The following PI4KA variants were observed in gnomAD, a reference collection of about 807,000 sequenced individuals.
PI4KA encodes PI4-kinase alpha.
In PI4KA, 122 loss-of-function variants were observed where a neutral mutation model predicts 271.4. The observed-to-expected ratio is 0.45, with a 90% CI of 0.39 to 0.52. The LOEUF (loss-of-function observed/expected upper bound fraction) is 0.52. Among genes scored for constraint, PI4KA ranks in the 20% least tolerant of loss-of-function variants. PI4KA has a pLI of 0.00. For missense variants in PI4KA, 1,969 were observed against 2,769.1 expected (o/e 0.71, Z 6.48); for synonymous variants, 1,041 against 1,078.8 (o/e 0.96, Z 0.69).
At chr22:20,818,915 C>G (rs1922204897) in intron 6 of PI4KA, among the ~76,000 whole-genome samples, 1 of 152,186 alleles carries the variant, frequency 6.6e-6, no homozygotes. Context: ...TATGAAATCA[C>G]TTATAAATCT....
chr22:20,804,079 C>A (rs1035612981), intron 12 of PI4KA, among the ~76,000 whole-genome samples: 2 of 152,254 alleles, frequency 1.3e-5, no homozygotes, highest in African/African-American at 4.8e-5. Flanking sequence ...CTGAAGCCAG[C>A]TGCACCCATA....
chr22:20,722,650 T>A (rs1194903108), intron 42 of PI4KA, among the ~76,000 whole-genome samples: 2 of 152,312 alleles, frequency 1.3e-5, no homozygotes, highest in East Asian at 3.9e-4. Context: ...CCTAGAGCCA[T>A]AAGTTTTGAA....
Position 20,742,662 on chromosome 22 carries a change from G to C in PI4KA, c.3559C>G (p.Gln1187Glu). ...LHSALDRSHP[Q>E]HYTQAMFKLT... is the part of the protein sequence containing the mutation. ...TTGAACATGGCCTGCGTGTAGTGCTGAGGATGACTGCGGTCTAAAGCTGAA... is the reference window on the plus strand; with the variant it reads ...TTGAACATGGCCTGCGTGTAGTGCTCAGGATGACTGCGGTCTAAAGCTGAA... Residue 1187 changes from glutamine to glutamate, a missense_variant, in exon 31 of 55, where the codon CAG becomes GAG. Around this residue, in one of 13 missense-constraint regions of PI4KA, gnomAD observed 203 missense variants for 256.8 expected, o/e 0.79. Coordinates refer to ENST00000255882, the MANE Select transcript of PI4KA (RefSeq NM_058004.4). The C allele has an allele frequency of 6.2e-7, 1 of 1,614,116 alleles. No homozygotes were observed. The highest frequency in any genetic ancestry group is 8.5e-7 in the Non-Finnish European group (1 of 1,179,974).
chr22:20,747,363 T>G, intron 29 of PI4KA: 1 of 372,436 alleles, frequency 2.7e-6, no homozygotes, highest in East Asian at 4.3e-5. Flanking sequence ...TCCATAAATT[T>G]AAAAAAAAAA....
chr22:20,842,251 T>A (rs1925651041), intron 1 of PI4KA, among the ~76,000 whole-genome samples: 2 of 151,498 alleles, frequency 1.3e-5, no homozygotes, highest in Middle Eastern at 3.4e-3. Flanking sequence ...TAAAAAAAAA[T>A]GAAAAAGGCT....
intron 7 of PI4KA, 141 bp from the exon 8 acceptor site, chr22:20,813,647 C>T: frequency 1.4e-6 from 1 of 692,816 alleles, no homozygotes; most frequent in East Asian, 2.7e-5. Flanking sequence ...TTTAAATTAA[C>T]AACTACAGGG....
intron 48 of PI4KA, 25 bp from the exon 49 acceptor site, chr22:20,712,822 G>A: frequency 6.4e-7 from 1 of 1,550,612 alleles, no homozygotes; most frequent in Non-Finnish European, 8.7e-7. Context: ...GGCGCAGGAT[G>A]CGGTCAGTTG....
At chr22:20,826,078 C>T (rs1411523588) in intron 3 of PI4KA, among the ~76,000 whole-genome samples, 2 of 152,208 alleles carry the variant, frequency 1.3e-5, no homozygotes, top group African/African-American at 4.8e-5. Flanking sequence ...ATGGTGGCCT[C>T]ACACTTGTAA....
chr22:20,848,271 A>G (rs1366791958), intron 1 of PI4KA, among the ~76,000 whole-genome samples: 2 of 151,642 alleles, frequency 1.3e-5, no homozygotes, highest in Admixed American at 1.3e-4. Flanking sequence ...GGGACAATAT[A>G]GCAATACAGT....
intron 1 of PI4KA, among the ~76,000 whole-genome samples, chr22:20,849,474 T>C (rs1368751624): frequency 6.6e-6 from 1 of 152,208 alleles, no homozygotes; most frequent in Non-Finnish European, 1.5e-5. Flanking sequence ...GGATAAAATA[T>C]GGTATATGCA....
At chr22:20,846,050 G>A (rs1166050818) in intron 1 of PI4KA, among the ~76,000 whole-genome samples, 2 of 151,918 alleles carry the variant, frequency 1.3e-5, no homozygotes, top group Non-Finnish European at 2.9e-5. Flanking sequence ...GAGGTCAGGA[G>A]ATTGAGACAC....
intron 19 of PI4KA, among the ~76,000 whole-genome samples, chr22:20,773,523 G>T (rs1018878168): frequency 1.3e-5 from 2 of 152,230 alleles, no homozygotes; most frequent in South Asian, 4.1e-4. Flanking sequence ...CAACAGACAG[G>T]AGTGCTGGGC....
chr22:20,727,364 C>T lies in PI4KA; in HGVS notation c.4807G>A (p.Ala1603Thr). 6.2e-7 allele frequency: 1 copy of T among 1,608,216 alleles called. No individual in the cohort carries two copies. The highest frequency in any genetic ancestry group is 8.5e-7 in the Non-Finnish European group (1 of 1,177,968). Residue 1603 changes from alanine to threonine, a missense_variant, in exon 41 of 55, where the codon GCT becomes ACT. By Grantham distance (58) the Ala-to-Thr change is moderately conservative (BLOSUM62 0). This residue lies in a region of PI4KA where 388 missense variants were observed against 521.5 expected (regional missense o/e 0.74). Transcript: ENST00000255882. ...LVTWHTIDADAPELSHVLCWA... is the reference protein window; with the variant it reads ...LVTWHTIDADTPELSHVLCWA... ...CACAGCACATGGCTGAGCTCTGGAGCATCGGCGTCGATGGTGTGCCAGGTG... is the reference window on the plus strand; with the variant it reads ...CACAGCACATGGCTGAGCTCTGGAGTATCGGCGTCGATGGTGTGCCAGGTG...
At position 20,799,079 on chromosome 22, in the gene PI4KA, C is replaced by T. The variant is rs1935143358; in HGVS notation, c.2004+14G>A. On this transcript the variant is annotated intron_variant, in intron 16 of 54. Transcript: ENST00000255882. ...GCACAGGGTTAGTGGTGTTCTGGCTCTGGCCTCCCTTACATTTCCGGTGAT... is the reference window on the plus strand; with the variant it reads ...GCACAGGGTTAGTGGTGTTCTGGCTTTGGCCTCCCTTACATTTCCGGTGAT... The T allele has an allele frequency of 3.1e-6, 5 of 1,610,508 alleles. No homozygotes were observed. The highest frequency in any genetic ancestry group is 1.6e-4 in the Middle Eastern group (1 of 6,078).
At chr22:20,712,397 G>C in intron 50 of PI4KA, 89 bp downstream of exon 50, 2 of 1,567,382 alleles carry the variant, frequency 1.3e-6, no homozygotes, top group African/African-American at 1.4e-5. Flanking sequence ...TGACTGAGGA[G>C]AGCAGGGTGT....
At chr22:20,732,923 C>G in intron 36 of PI4KA, 48 bp downstream of exon 36, 1 of 1,609,458 alleles carries the variant, frequency 6.2e-7, no homozygotes. Flanking sequence ...ACGTGGCACC[C>G]CTGTCCTGCC....
At chr22:20,797,284 C>A (rs1328449232) in intron 17 of PI4KA, among the ~76,000 whole-genome samples, 1 of 152,112 alleles carries the variant, frequency 6.6e-6, no homozygotes, top group African/African-American at 2.4e-5. Context: ...CAAGCTGAGC[C>A]AGAACTGAAG....
rs1419723841 is a variant in PI4KA at position 20,813,453 on chromosome 22, T to C, written c.910A>G (p.Ile304Val). ...GGAGAGACTGAGAAGCTGGAGCTGA[T>C]GGTTGAAAAGTAGTACTCAGGCTCT... ...ALEPEYYFSTISSSFSVSPLF... is the reference protein window; with the variant it reads ...ALEPEYYFSTVSSSFSVSPLF... Residue 304 changes from isoleucine to valine, a missense_variant, in exon 8 of 55, where the codon ATC (isoleucine) becomes GTC (valine). Ile to Val is a conservative substitution (Grantham distance 29). Coordinates refer to ENST00000255882, the MANE Select transcript of PI4KA (RefSeq NM_058004.4). The C allele has an allele frequency of 3.7e-6, 6 of 1,613,724 alleles. No homozygotes were observed. The highest frequency in any genetic ancestry group is 1.3e-5 in the African/African-American group (1 of 74,896).
Position 20,712,742 on chromosome 22 carries a change from C to A in PI4KA, c.5627G>T (p.Gly1876Val). The A allele has an allele frequency of 6.4e-7, 1 of 1,551,282 alleles. No homozygotes were observed. Among genetic ancestry groups the A allele is most frequent in the East Asian group, 2.4e-5 (1 of 41,154 alleles). The change falls in exon 49 of 55, where the codon GGC becomes GTC. Residue 1876 changes from glycine (G) to valine (V), a missense_variant. By Grantham distance (109) the Gly-to-Val change is moderately radical. Around this residue, in one of 13 missense-constraint regions of PI4KA, gnomAD observed 110 missense variants for 349.8 expected, o/e 0.31. Coordinates refer to ENST00000255882, the MANE Select transcript of PI4KA (RefSeq NM_058004.4). ...GTAGGGAAAAACAAAGAGGTCCAGG[C>A]CGACCAGCTGGAAGATGTTCTTGAA... is the stretch of plus-strand genomic sequence containing the variant. Reference protein sequence around the residue: ...DLFKNIFQLVGLDLFVFPYRV... With the variant: ...DLFKNIFQLVVLDLFVFPYRV...
Sources: gnomAD v4.1 joint callset for allele counts (sites outside exome capture counted in the v4.1 genomes callset) on GRCh38, gnomAD v4.1.1 for gene constraint, gnomAD v4.1.1 regional missense constraint, MANE v1.5 for transcripts, NCBI Gene and HGNC (gene_info 2026-07-23, HGNC 2026-07-21) for gene names.